The following GRIP1 variants were observed in gnomAD, a reference collection of about 807,000 sequenced individuals.
The protein encoded by GRIP1 is glutamate receptor interacting protein 1.
GRIP1 carries 45 observed loss-of-function variants against 129.9 expected under a neutral mutation model. The observed-to-expected ratio is 0.35, with a 90% CI of 0.27 to 0.44. The LOEUF (loss-of-function observed/expected upper bound fraction) is 0.44. GRIP1 is among the 20% of genes least tolerant of loss of function. GRIP1 has a pLI of 1.00. For missense variants in GRIP1, 1,196 were observed against 1,396.8 expected, an observed-to-expected ratio of 0.86 and a Z score of 2.29; for synonymous variants, 530 against 520.8, an observed-to-expected ratio of 1.02 and a Z score of -0.24.
chr12:66,432,134 T>C (rs989257772), intron 14 of GRIP1, among the ~76,000 whole-genome samples: 3 of 152,146 alleles, frequency 2.0e-5, no homozygotes, highest in African/African-American at 2.4e-5. Flanking sequence ...TTATACGATA[T>C]ACTAATAATT....
At chr12:66,660,937 A>C (rs1338137161) in intron 1 of GRIP1, among the ~76,000 whole-genome samples, 17 of 151,990 alleles carry the variant, frequency 1.1e-4, no homozygotes, top group Non-Finnish European at 2.2e-4. Flanking sequence ...CATGTATACA[A>C]ATATATATTA....
At chr12:66,638,354 G>T (rs998853204) in intron 1 of GRIP1, among the ~76,000 whole-genome samples, 2 of 152,052 alleles carry the variant, frequency 1.3e-5, no homozygotes, top group African/African-American at 4.8e-5. Flanking sequence ...CCCTTGATAG[G>T]TATTACTTCT....
chr12:66,597,339 G>A (rs955068585), intron 1 of GRIP1, among the ~76,000 whole-genome samples: 1 of 152,152 alleles, frequency 6.6e-6, no homozygotes, highest in Non-Finnish European at 1.5e-5. Flanking sequence ...TAATCAGGTA[G>A]AAAGAAGAAC....
chr12:66,958,267 G>A (rs2137522467), intron 1 of GRIP1, among the ~76,000 whole-genome samples: 1 of 152,210 alleles, frequency 6.6e-6, no homozygotes, highest in East Asian at 1.9e-4. Flanking sequence ...AGCCTCCTGA[G>A]TAGCTAGGAG....
intron 1 of GRIP1, among the ~76,000 whole-genome samples, chr12:66,723,213 T>TTCTTTC (rs1491024633): frequency 3.9e-5 from 2 of 50,996 alleles, no homozygotes; most frequent in African/African-American, 2.2e-4. Context: ...TTTCTTTCTT[T>TTCTTTC]CTTTCTTTCT....
intron 1 of GRIP1, among the ~76,000 whole-genome samples, chr12:66,865,009 T>C (rs2040177790): frequency 6.6e-6 from 1 of 152,154 alleles, no homozygotes; most frequent in African/African-American, 2.4e-5. Flanking sequence ...CAGCATTGTT[T>C]GTATATGTCC....
intron 1 of GRIP1, among the ~76,000 whole-genome samples, chr12:66,666,616 A>G (rs1236099527): frequency 1.3e-5 from 2 of 152,102 alleles, no homozygotes; most frequent in Admixed American, 6.5e-5. Context: ...ACTGTACTCT[A>G]CTATATAACT....
intron 2 of GRIP1, among the ~76,000 whole-genome samples, chr12:66,586,512 A>G (rs1038213689): frequency 1.3e-5 from 2 of 151,990 alleles, no homozygotes; most frequent in African/African-American, 4.8e-5. Context: ...GCCCACCCTC[A>G]AGGGTGTAAC....
At chr12:66,492,374 A>C (rs2060125620) in intron 7 of GRIP1, among the ~76,000 whole-genome samples, 1 of 152,194 alleles carries the variant, frequency 6.6e-6, no homozygotes, top group African/African-American at 2.4e-5. Flanking sequence ...ATACTACTAA[A>C]GTACCAGTCT....
At chr12:66,367,282 T>G (rs1323411787) in intron 23 of GRIP1, among the ~76,000 whole-genome samples, 1 of 152,214 alleles carries the variant, frequency 6.6e-6, no homozygotes, top group Non-Finnish European at 1.5e-5. Context: ...AGGGCCTTAC[T>G]TAGATGCAGC....
chr12:66,726,081 T>C (rs1431678280), intron 1 of GRIP1, among the ~76,000 whole-genome samples: 1 of 152,184 alleles, frequency 6.6e-6, no homozygotes, highest in Admixed American at 6.5e-5. Flanking sequence ...GGTGTGCACA[T>C]GTGTCAGTGT....
chr12:66,528,142 T>TGTTG (rs1565829990), intron 5 of GRIP1, among the ~76,000 whole-genome samples: 3 of 120,322 alleles, frequency 2.5e-5, no homozygotes, highest in African/African-American at 3.8e-5. Flanking sequence ...AGGTTTTTTT[T>TGTTG]TTTTTTTTTT....
At chr12:66,617,723 T>C (rs1254164530) in intron 1 of GRIP1, among the ~76,000 whole-genome samples, 1 of 151,202 alleles carries the variant, frequency 6.6e-6, no homozygotes, top group Non-Finnish European at 1.5e-5. Flanking sequence ...GCTTATGTTA[T>C]TAACAGAAAT....
At chr12:66,901,868 T>C (rs1346552694) in intron 1 of GRIP1, among the ~76,000 whole-genome samples, 1 of 152,204 alleles carries the variant, frequency 6.6e-6, no homozygotes, top group Non-Finnish European at 1.5e-5. Context: ...GTTCCACAAT[T>C]GTATTGTAAT....
chr12:66,445,849 T>C (rs2058608317), intron 11 of GRIP1, among the ~76,000 whole-genome samples: 2 of 152,076 alleles, frequency 1.3e-5, no homozygotes, highest in Non-Finnish European at 2.9e-5. Context: ...GGGTAGGCCA[T>C]TTTGTCTCTT....
chr12:66,931,003 A>G (rs531210606), intron 1 of GRIP1, among the ~76,000 whole-genome samples: 1 of 152,232 alleles, frequency 6.6e-6, no homozygotes, highest in South Asian at 2.1e-4. Context: ...AGAGCAAAAT[A>G]TTTTTTAAAA....
At chr12:66,718,507 T>C (rs1431914780) in intron 1 of GRIP1, among the ~76,000 whole-genome samples, 1 of 152,136 alleles carries the variant, frequency 6.6e-6, no homozygotes, top group East Asian at 1.9e-4. Context: ...TGAGAAGCAG[T>C]TGGATAACCA....
intron 19 of GRIP1, among the ~76,000 whole-genome samples, chr12:66,381,850 A>T (rs939975552): frequency 4.6e-5 from 7 of 152,234 alleles, no homozygotes; most frequent in African/African-American, 1.7e-4. Context: ...AGAAAAGGGG[A>T]TAAGATTCAA....
chr12:66,618,508 C>G (rs1312883454), intron 1 of GRIP1, among the ~76,000 whole-genome samples: 3 of 151,916 alleles, frequency 2.0e-5, no homozygotes, highest in Admixed American at 1.3e-4. Context: ...TAGAAACTAC[C>G]TGCTTTGAAT....
Sources: gnomAD v4.1 joint callset for allele counts (sites outside exome capture counted in the v4.1 genomes callset) on GRCh38, gnomAD v4.1.1 for gene constraint, MANE v1.5 for transcripts, NCBI Gene and HGNC (gene_info 2026-07-23, HGNC 2026-07-21) for gene names.